The following BCAR1 variants were observed in gnomAD, a reference collection of about 807,000 sequenced individuals.
BCAR1 encodes breast cancer anti-estrogen resistance protein 1.
BCAR1 carries 30 observed loss-of-function variants against 67.6 expected under a neutral mutation model. That is an observed-to-expected ratio of 0.44 (90% CI 0.33 to 0.60). The LOEUF (loss-of-function observed/expected upper bound fraction) is 0.60, where lower values mean the gene tolerates loss of function less well. BCAR1 is among the 20% of genes least tolerant of loss of function. The pLI, the probability that BCAR1 is intolerant of heterozygous loss-of-function variation, is 0.02. For missense variants in BCAR1, 1,313 were observed against 1,222.3 expected (o/e 1.07, Z -1.11); for synonymous variants, 626 against 556.7 (o/e 1.12, Z -1.75).
intron 2 of BCAR1, among the ~76,000 whole-genome samples, chr16:75,239,706 C>T (rs2077271022): frequency 1.3e-5 from 2 of 152,202 alleles, no homozygotes; most frequent in Non-Finnish European, 2.9e-5. Flanking sequence ...CACCAGGACA[C>T]ACCCCAGCAT....
chr16:75,253,943 T>C (rs2077728989), upstream of BCAR1, among the ~76,000 whole-genome samples: 1 of 150,480 alleles, frequency 6.6e-6, no homozygotes, highest in Admixed American at 6.6e-5. Context: ...ACAGCAATCC[T>C]GCAAAACAGG....
chr16:75,245,224 G>A lies in BCAR1; in HGVS notation c.13-2134C>T, dbSNP rs372794512. On this transcript the variant is annotated intron_variant, in intron 1 of 6. Coordinates refer to ENST00000162330, the MANE Select transcript of BCAR1 (RefSeq NM_014567.5). ...CCTCTGGGAATCACAGCCCATCGGGGGCGGGCCACCCTTCCCCAGTGACCC... is the reference window on the plus strand; with the variant it reads ...CCTCTGGGAATCACAGCCCATCGGGAGCGGGCCACCCTTCCCCAGTGACCC... Among the ~76,000 whole-genome samples, 331 of 152,330 alleles carry A rather than the reference G, an allele frequency of 2.2e-3. 2 individuals are homozygous for A. The highest frequency in any genetic ancestry group is 7.6e-3 in the African/African-American group (316 of 41,590).
chr16:75,260,652 C>T (rs1355649537), intron 1 of BCAR1, among the ~76,000 whole-genome samples: 1 of 149,126 alleles, frequency 6.7e-6, no homozygotes, highest in Admixed American at 6.7e-5. Flanking sequence ...AAAAAAAAAC[C>T]TCATCCAACT....
At chr16:75,232,485 T>C (rs1051812630) in intron 6 of BCAR1, among the ~76,000 whole-genome samples, 6 of 152,098 alleles carry the variant, frequency 3.9e-5, no homozygotes, top group Non-Finnish European at 8.8e-5. Flanking sequence ...GTATACAGAC[T>C]TGGGTCTCAC....
chr16:75,267,805 C>T (rs1467746356), intron 1 of BCAR1: 4 of 1,189,224 alleles, frequency 3.4e-6, no homozygotes, highest in Non-Finnish European at 4.8e-6. Flanking sequence ...GCTGGACCCT[C>T]CAATCCATCT....
At chr16:75,266,914 A>G in intron 1 of BCAR1, 3 of 633,154 alleles carry the variant, frequency 4.7e-6, no homozygotes. Flanking sequence ...CTGGGGGCAG[A>G]AAGCTCCAGC....
chr16:75,250,347 G>C (rs1307961450), intron 1 of BCAR1, among the ~76,000 whole-genome samples: 1 of 152,148 alleles, frequency 6.6e-6, no homozygotes, highest in Non-Finnish European at 1.5e-5. Context: ...TCACAGGCCG[G>C]CCAGCCCCCA....
upstream of BCAR1, among the ~76,000 whole-genome samples, chr16:75,254,205 G>A (rs985906758): frequency 6.6e-6 from 1 of 152,150 alleles, no homozygotes; most frequent in African/African-American, 2.4e-5. Context: ...AAGAAATGGG[G>A]CTGCTAGACC....
chr16:75,257,694 C>A (rs755186906), intron 1 of BCAR1, among the ~76,000 whole-genome samples: 1 of 152,160 alleles, frequency 6.6e-6, no homozygotes, highest in African/African-American at 2.4e-5. Flanking sequence ...GGGGCTCAAG[C>A]GATCCTCCCG....
At chr16:75,264,327 C>G in intron 1 of BCAR1, 1 of 1,475,864 alleles carries the variant, frequency 6.8e-7, no homozygotes, top group Non-Finnish European at 9.0e-7. Context: ...GTGACATTCC[C>G]TAATCACTAC....
At chr16:75,260,444 G>T (rs1249401831) in intron 1 of BCAR1, among the ~76,000 whole-genome samples, 7 of 151,988 alleles carry the variant, frequency 4.6e-5, no homozygotes, top group African/African-American at 1.7e-4. Context: ...GACCAGCCTG[G>T]CCAACATGGT....
In BCAR1 at chr16:75,228,810, G is replaced by A. The variant is rs894632916; in HGVS notation, c.*701C>T. 4.6e-5 allele frequency: 7 copies of A among 152,268 alleles called. No homozygotes were observed. The highest frequency in any genetic ancestry group is 1.7e-4 in the African/African-American group (7 of 41,456). 9.4% of individuals were successfully genotyped at this position (152,268 alleles called of 1,614,324 possible). On this transcript the variant is annotated 3_prime_UTR_variant, in exon 7 of 7. Coordinates refer to ENST00000162330, the MANE Select transcript of BCAR1 (RefSeq NM_014567.5). ...AGCTCTGAAACTGCCCCCTTTCTTG[G>A]GCCCAGGCTCTGCCCTGGCTCCCAG... is the stretch of plus-strand genomic sequence containing the variant.
At position 75,234,955 on chromosome 16, in the gene BCAR1, C is replaced by A. The variant is rs139515923; in HGVS notation, c.1944G>T (p.Ser648=). ...CGCTGTTCTCGTACTGCCCATCTGG[C>A]GAGTCCTGGGAGGTGAACTTAGGGG... The part of the protein sequence containing the change: ...PSPPKFTSQD[S]PDGQYENSEG... Residue 648 remains serine (S), a synonymous_variant, in exon 5 of 7, where the codon TCG becomes TCT. Transcript: ENST00000162330. 6.3e-7 allele frequency: 1 copy of A among 1,587,572 alleles called. No individual in the cohort carries two copies. Among genetic ancestry groups the A allele is most frequent in the Non-Finnish European group, 8.6e-7 (1 of 1,162,438 alleles).
chr16:75,238,243 T>C (rs968373072), intron 2 of BCAR1: 2 of 1,173,364 alleles, frequency 1.7e-6, no homozygotes, highest in Non-Finnish European at 2.1e-6. Flanking sequence ...AAGGTCTCCC[T>C]GCCTTGGGGA....
intron 1 of BCAR1, chr16:75,250,950 C>G: frequency 2.0e-6 from 2 of 985,426 alleles, no homozygotes; most frequent in Non-Finnish European, 2.4e-6. Flanking sequence ...GAATCATTAA[C>G]TGGAGCCGGG....
In BCAR1 at chr16:75,235,525, A is replaced by T. The variant is rs2077082799; in HGVS notation, c.1374T>A (p.Val458=). 1 of 1,596,002 alleles carries T rather than the reference A, an allele frequency of 6.3e-7. No individual in the cohort carries two copies. The highest frequency in any genetic ancestry group is 1.1e-5 in the South Asian group (1 of 89,030). The change falls in exon 5 of 7, where the codon GTT becomes GTA. Residue 458 remains valine (V), a synonymous_variant. Transcript: ENST00000162330. ...GCAGCCGTGCCAGGGCCTCCACAGCAACTTCCAGCTCCAGGGGTTCCCGGC... is the reference window on the plus strand; with the variant it reads ...GCAGCCGTGCCAGGGCCTCCACAGCTACTTCCAGCTCCAGGGGTTCCCGGC... ...GPGREPLELE[V]AVEALARLQQ... is the part of the protein sequence containing the mutation.
chr16:75,251,097 AC>A, intron 1 of BCAR1: 18 of 605,278 alleles, frequency 3.0e-5, no homozygotes, highest in Non-Finnish European at 3.4e-5. Flanking sequence ...CAGAGGCTCA[AC>A]GGCCCCTCCT....
chr16:75,249,681 G>T (rs1412464865), intron 1 of BCAR1: 1 of 152,356 alleles, frequency 6.6e-6, no homozygotes, highest in Non-Finnish European at 1.5e-5. Flanking sequence ...GCAAGGGAAG[G>T]AGTTGTCCAG....
intron 4 of BCAR1, chr16:75,236,262 CT>C: frequency 3.9e-6 from 2 of 513,180 alleles, no homozygotes; most frequent in African/African-American, 2.0e-5. Context: ...GTGACCACCC[CT>C]GTGCCTGAAG....
Sources: allele counts gnomAD v4.1 joint callset (sites outside exome capture counted in the v4.1 genomes callset), GRCh38; gene constraint gnomAD v4.1.1; transcripts MANE v1.5; gene names NCBI Gene and HGNC (gene_info 2026-07-23, HGNC 2026-07-21).